The following COL14A1 variants were observed in gnomAD, a reference collection of about 807,000 sequenced individuals.
The protein encoded by COL14A1 is collagen type XIV alpha 1 chain.
COL14A1 carries 136 observed loss-of-function variants against 230.3 expected under a neutral mutation model. The observed-to-expected ratio is 0.59, with a 90% CI of 0.51 to 0.68. COL14A1 has a LOEUF of 0.68. Among genes scored for constraint, COL14A1 ranks in the 30% least tolerant of loss-of-function variants. The probability of loss-of-function intolerance (pLI) is 0.00; values close to 1 mark genes in which losing one functional copy is unlikely to be tolerated. For missense variants in COL14A1, 1,976 were observed against 2,215.8 expected (o/e 0.89, Z 2.17); for synonymous variants, 792 against 784.1 (o/e 1.01, Z -0.17).
chr8:120,342,978 G>T (rs551587519), intron 44 of COL14A1, among the ~76,000 whole-genome samples: 1 of 152,132 alleles, frequency 6.6e-6, no homozygotes, highest in Non-Finnish European at 1.5e-5. Context: ...ACATGAACAG[G>T]CTTGCTCTGA....
intron 2 of COL14A1, among the ~76,000 whole-genome samples, chr8:120,157,780 T>C (rs1414003908): frequency 2.0e-5 from 3 of 151,676 alleles, no homozygotes; most frequent in East Asian, 1.9e-4. Flanking sequence ...GGTCAGGAGT[T>C]CAAGACCAGC....
chr8:120,254,141 TAA>T (rs1339006265), intron 22 of COL14A1, among the ~76,000 whole-genome samples: 1 of 152,046 alleles, frequency 6.6e-6, no homozygotes, highest in African/African-American at 2.4e-5. Flanking sequence ...GTGAGTAAGC[TAA>T]GAGAGAGAGA....
intron 5 of COL14A1, among the ~76,000 whole-genome samples, chr8:120,168,900 G>C (rs1234466596): frequency 2.0e-5 from 3 of 152,072 alleles, no homozygotes; most frequent in Non-Finnish European, 4.4e-5. Flanking sequence ...CTGTCACCCA[G>C]GCTAGAATTT....
intron 15 of COL14A1, 57 bp from the exon 16 acceptor site, chr8:120,226,565 CTTGGG>C (rs1818101580): frequency 1.3e-6 from 2 of 1,581,904 alleles, no homozygotes; most frequent in Non-Finnish European, 1.7e-6. Flanking sequence ...CTGGGAGATA[CTTGGG>C]TTTTGGCTTT....
At chr8:120,321,643 G>GAAA (rs34224685) in intron 40 of COL14A1, among the ~76,000 whole-genome samples, 6 of 145,632 alleles carry the variant, frequency 4.1e-5, no homozygotes, top group African/African-American at 1.3e-4. Context: ...ACTTGTCTCA[G>GAAA]AAAAAAAAAA....
intron 26 of COL14A1, among the ~76,000 whole-genome samples, chr8:120,273,889 G>A (rs1819755543): frequency 6.6e-6 from 1 of 150,964 alleles, no homozygotes; most frequent in African/African-American, 2.4e-5. Flanking sequence ...CCAATTGTAT[G>A]GAAACTATTA....
At chr8:120,142,611 A>C (rs1187651099) in intron 1 of COL14A1, among the ~76,000 whole-genome samples, 1 of 152,236 alleles carries the variant, frequency 6.6e-6, no homozygotes, top group Non-Finnish European at 1.5e-5. Context: ...AGGAATTTCC[A>C]GTATGTGAAT....
intron 5 of COL14A1, among the ~76,000 whole-genome samples, chr8:120,192,553 T>C (rs1184088320): frequency 6.6e-6 from 1 of 152,194 alleles, no homozygotes; most frequent in Non-Finnish European, 1.5e-5. Flanking sequence ...GGAGTATCTT[T>C]GTGGCGTTCT....
At chr8:120,365,199 G>A (rs554909134) in intron 45 of COL14A1, among the ~76,000 whole-genome samples, 1 of 152,154 alleles carries the variant, frequency 6.6e-6, no homozygotes, top group East Asian at 1.9e-4. Flanking sequence ...ACTATTATTA[G>A]GGGATTAGTC....
intron 26 of COL14A1, among the ~76,000 whole-genome samples, chr8:120,276,729 A>C (rs969101424): frequency 1.3e-5 from 2 of 151,890 alleles, no homozygotes; most frequent in Non-Finnish European, 2.9e-5. Context: ...AGATATACCT[A>C]ATGTAAATGA....
intron 45 of COL14A1, among the ~76,000 whole-genome samples, 169 bp downstream of exon 45, chr8:120,345,732 T>A (rs1822487098): frequency 6.6e-6 from 1 of 152,214 alleles, no homozygotes; most frequent in Admixed American, 6.5e-5. Context: ...TTGAGAAAAT[T>A]GAGCAATCTG....
intron 12 of COL14A1, among the ~76,000 whole-genome samples, chr8:120,211,571 A>G (rs144935668): frequency 1.4e-4 from 21 of 152,304 alleles, no homozygotes; most frequent in African/African-American, 3.6e-4. Context: ...TTATCTGAAT[A>G]TATTAGTTTT....
At chr8:120,266,361 G>C (rs1819500751) in intron 24 of COL14A1, among the ~76,000 whole-genome samples, 1 of 152,094 alleles carries the variant, frequency 6.6e-6, no homozygotes, top group African/African-American at 2.4e-5. Context: ...AGTCTGAGCA[G>C]AGCAGAATGA....
At chr8:120,127,497 C>T (rs1220046220) in intron 1 of COL14A1, among the ~76,000 whole-genome samples, 1 of 152,166 alleles carries the variant, frequency 6.6e-6, no homozygotes. Flanking sequence ...TATCCTGCTG[C>T]GAACCGTCCA....
chr8:120,244,051 A>C (rs1388241561), intron 20 of COL14A1, 43 bp downstream of exon 20: 1 of 1,596,166 alleles, frequency 6.3e-7, no homozygotes, highest in Non-Finnish European at 8.5e-7. Context: ...CGACTCATTA[A>C]ATGGAAATGC....
At chr8:120,262,536 C>A (rs1193025837) in intron 23 of COL14A1, among the ~76,000 whole-genome samples, 1 of 152,106 alleles carries the variant, frequency 6.6e-6, no homozygotes, top group Non-Finnish European at 1.5e-5. Flanking sequence ...TAAATGCCCT[C>A]ACATCTGCAT....
intron 36 of COL14A1, among the ~76,000 whole-genome samples, chr8:120,301,712 A>G (rs988703056): frequency 6.6e-6 from 1 of 152,128 alleles, no homozygotes; most frequent in Non-Finnish European, 1.5e-5. Context: ...TCCTTTGGGT[A>G]TATACGCAGT....
chr8:120,324,692 C>G (rs1327086920), intron 40 of COL14A1, among the ~76,000 whole-genome samples: 1 of 152,142 alleles, frequency 6.6e-6, no homozygotes, highest in African/African-American at 2.4e-5. Context: ...AGTGTAGCAT[C>G]AGTTGAATAA....
At chr8:120,366,334 G>T (rs1404938145) in intron 45 of COL14A1, among the ~76,000 whole-genome samples, 1 of 152,106 alleles carries the variant, frequency 6.6e-6, no homozygotes, top group African/African-American at 2.4e-5. Context: ...TTTCTCAGTA[G>T]GTATAATTAA....
Sources: gnomAD v4.1 joint callset for allele counts (sites outside exome capture counted in the v4.1 genomes callset) on GRCh38, gnomAD v4.1.1 for gene constraint, MANE v1.5 for transcripts, NCBI Gene and HGNC (gene_info 2026-07-23, HGNC 2026-07-21) for gene names.